The following STK11IP variants were observed in gnomAD, a reference collection of about 807,000 sequenced individuals.
The protein encoded by STK11IP is serine/threonine kinase 11 interacting protein, also known as serine/threonine-protein kinase 11-interacting protein.
Under a neutral mutation model 131.7 loss-of-function variants are expected in STK11IP, and 103 were observed. The ratio of observed to expected loss-of-function variants is 0.78; its 90% CI spans 0.67 to 0.92. The LOEUF is 0.92. Among genes scored for constraint, STK11IP ranks in the 40% least tolerant of loss-of-function variants. The pLI, the probability that STK11IP is intolerant of heterozygous loss-of-function variation, is 0.00. For synonymous variants in STK11IP, 557 were observed against 575.6 expected, an observed-to-expected ratio of 0.97 and a Z score of 0.46; for missense variants, 1,315 against 1,385.7, an observed-to-expected ratio of 0.95 and a Z score of 0.81.
intron 5 of STK11IP, 69 bp downstream of exon 5, chr2:219,602,152 C>G: frequency 8.5e-7 from 1 of 1,170,814 alleles, no homozygotes; most frequent in Non-Finnish European, 1.2e-6. Context: ...CTCTGATGTT[C>G]TCCCCTCTCT....
rs1468580936 is a variant in STK11IP at position 219,609,458 on chromosome 2, C to T, written c.2022C>T (p.Arg674=). ...DLLLGRFQCL[R]CGHEFKPEEP... ...TGCTGGGTAGATTCCAGTGTCTACG[C>T]TGTGGCCATGAGTTCAAGCCAGAGG... Residue 674 remains arginine, a synonymous_variant, in exon 17 of 25, where the codon CGC becomes CGT. Transcript: ENST00000456909. 1 of 1,610,782 alleles carries T rather than the reference C, an allele frequency of 6.2e-7. No individual in the cohort carries two copies. The highest frequency in any genetic ancestry group is 1.1e-5 in the South Asian group (1 of 90,324).
In STK11IP at chr2:219,614,252, TAGG is replaced by T. The variant is rs1427085187; in HGVS notation, c.2798+14_2798+16del. Reference sequence around the variant, plus strand: ...CCCAGCACCGGCTCTGGTGAGTCGATAGGAGGCAGAGGCTGGGGTTGCTGCCCA... The same window carrying T: ...CCCAGCACCGGCTCTGGTGAGTCGATAGGCAGAGGCTGGGGTTGCTGCCCA... On this transcript the variant is annotated intron_variant, in intron 22 of 24. Transcript: ENST00000456909. The T allele has an allele frequency of 1.9e-6, 3 of 1,612,932 alleles. No homozygotes were observed. The highest frequency in any genetic ancestry group is 2.5e-6 in the Non-Finnish European group (3 of 1,179,650).
At position 219,612,019 on chromosome 2, in the gene STK11IP, G is replaced by T; in HGVS notation, c.2400G>T (p.Val800=). Residue 800 remains valine, a synonymous_variant, in exon 19 of 25, where the codon GTG becomes GTT. Transcript: ENST00000456909. ...HRLRLFLDVE[V]FSDAQEEFQC... is the part of the protein sequence containing the mutation. ...TCCGGCTCTTCCTGGATGTTGAGGT[G>T]TTCAGCGATGCCCAGGAGGAGTTCC... 1 of 1,605,502 alleles carries T rather than the reference G, an allele frequency of 6.2e-7. No individual in the cohort carries two copies. The highest frequency in any genetic ancestry group is 8.5e-7 in the Non-Finnish European group (1 of 1,176,838).
chr2:219,610,201 T>C (rs1698348415), intron 17 of STK11IP: 1 of 154,592 alleles, frequency 6.5e-6, no homozygotes, highest in South Asian at 2.0e-4. Flanking sequence ...GTTTAGATTT[T>C]ATTCAGAAAA....
At position 219,613,886 on chromosome 2, in the gene STK11IP, C is replaced by G. The variant is rs1425401131; in HGVS notation, c.2672C>G (p.Pro891Arg). The G allele has an allele frequency of 1.9e-6, 3 of 1,611,010 alleles. No individual in the cohort carries two copies. The South Asian group carries it at 3.3e-5, about 18-fold the overall frequency. ...AAGAGRCVLLPRDARHCRAFL... is the reference protein window; with the variant it reads ...AAGAGRCVLLRRDARHCRAFL... ...GGGGCGGGCCGCTGTGTGCTGCTGCCCCGAGATGCCAGGCATTGCCGGGCC... is the reference window on the plus strand; with the variant it reads ...GGGGCGGGCCGCTGTGTGCTGCTGCGCCGAGATGCCAGGCATTGCCGGGCC... The change falls in exon 21 of 25, where the codon CCC becomes CGC. Residue 891 changes from proline to arginine, a missense_variant. Transcript: ENST00000456909.
Position 219,615,159 on chromosome 2 carries a change from G to A in STK11IP, c.2935G>A (p.Ala979Thr), listed in dbSNP as rs1315387788. 3 of 1,605,676 alleles carry A rather than the reference G, an allele frequency of 1.9e-6. No individual in the cohort carries two copies. The highest frequency in any genetic ancestry group is 1.7e-6 in the Non-Finnish European group (2 of 1,177,778). ...CACCCTGTTCCTGTTAGATGAGGAT[G>A]CTGCAGGGTCCCCGGCAGAGCCCTC... ...PSTLFLLDED[A>T]AGSPAEPSPP... The change falls in exon 24 of 25, where the codon GCT becomes ACT. Residue 979 changes from alanine (A) to threonine (T), a missense_variant. Coordinates refer to ENST00000456909, the MANE Select transcript of STK11IP (RefSeq NM_052902.4).
intron 7 of STK11IP, 100 bp downstream of exon 7, chr2:219,602,876 C>A: frequency 1.7e-6 from 2 of 1,193,674 alleles, no homozygotes; most frequent in Non-Finnish European, 2.4e-6. Flanking sequence ...CTTGCTCTTG[C>A]CATGAGGGTG....
intron 13 of STK11IP, among the ~76,000 whole-genome samples, chr2:219,607,609 T>C (rs1423250647): frequency 2.6e-5 from 4 of 151,986 alleles, no homozygotes; most frequent in Non-Finnish European, 5.9e-5. Flanking sequence ...CAGTGAGCTA[T>C]GATCATGCCA....
chr2:219,616,430 A>G lies in STK11IP; in HGVS notation c.*237A>G. The G allele has an allele frequency of 1.9e-6, 1 of 514,140 alleles. No homozygotes were observed. The highest frequency in any genetic ancestry group is 3.4e-6 in the Non-Finnish European group (1 of 290,434). 31.8% of individuals were successfully genotyped at this position (514,140 alleles called of 1,614,324 possible). A position where few individuals can be genotyped will look rare whatever the true frequency, so the allele number is the denominator to read the frequency against. ...TTCCTGCACTTTTTCTCAGGTATCA[A>G]TAAAGTTGTTTCCAACTCATAGGTC... On this transcript the variant is annotated 3_prime_UTR_variant, in exon 25 of 25. Coordinates refer to ENST00000456909, the MANE Select transcript of STK11IP (RefSeq NM_052902.4).
intron 4 of STK11IP, 73 bp downstream of exon 4, chr2:219,601,788 G>A (rs1697994683): frequency 1.3e-6 from 2 of 1,507,534 alleles, no homozygotes; most frequent in Non-Finnish European, 1.8e-6. Flanking sequence ...GGAAAGAGAA[G>A]AGCCTCTTTG....
chr2:219,606,914 C>T (rs1698186903), intron 12 of STK11IP, 56 bp downstream of exon 12: 4 of 1,588,812 alleles, frequency 2.5e-6, no homozygotes, highest in Non-Finnish European at 3.4e-6. Flanking sequence ...TCCGGGGACT[C>T]TGGGCTACAG....
At chr2:219,615,917 T>C (rs640807) in intron 24 of STK11IP, 127 bp from the exon 25 acceptor site, 1,225,433 of 1,229,360 alleles carry the variant, frequency 1, 610,840 homozygotes, top group East Asian at 1. Flanking sequence ...GGGAGTGACA[T>C]GGGCCTGGGG....
At chr2:219,614,957 C>A in intron 23 of STK11IP, 137 bp from the exon 24 acceptor site, 1 of 1,075,860 alleles carries the variant, frequency 9.3e-7, no homozygotes, top group Non-Finnish European at 1.3e-6. Context: ...AGGGTCTTGG[C>A]CCCAGGGGCA....
rs1276005370 is a variant in STK11IP, at chr2:219,598,124, C to T, written c.5C>T (p.Thr2Met). The T allele has an allele frequency of 6.3e-7, 1 of 1,592,296 alleles. No individual in the cohort carries two copies. Among genetic ancestry groups the T allele is most frequent in the Non-Finnish European group, 8.5e-7 (1 of 1,169,878 alleles). Residue 2 changes from threonine to methionine, a missense_variant, in exon 2 of 25, where the codon ACG (threonine) becomes ATG (methionine). Physicochemically the swap from Thr to Met is moderately conservative, Grantham distance 81. Transcript: ENST00000456909. ...GCCCCCCAGCGTCCCGTGGCCATGA[C>T]GACCGCTCAGAGGGACTCCCTGTTG... M[T>M]TAQRDSLLWK...
In STK11IP at chr2:219,615,199, C is replaced by G. The variant is rs777477941; in HGVS notation, c.2975C>G (p.Ser992Cys). The G allele has an allele frequency of 6.3e-6, 10 of 1,596,138 alleles. No homozygotes were observed. The highest frequency in any genetic ancestry group is 1.7e-5 in the Admixed American group (1 of 57,998). The change falls in exon 24 of 25, where the codon TCT (serine) becomes TGT (cysteine). Residue 992 changes from serine to cysteine, a missense_variant. Coordinates refer to ENST00000456909, the MANE Select transcript of STK11IP (RefSeq NM_052902.4). ...GCAGAGCCCTCTCCTCCAGCAGCAT[C>G]TGGCGAAGCCTCTGAGAAGGTGCCT... is the stretch of plus-strand genomic sequence containing the variant. ...SPAEPSPPAA[S>C]GEASEKVPPS...
intron 7 of STK11IP, 127 bp downstream of exon 7, chr2:219,602,903 G>A: frequency 2.3e-6 from 2 of 870,704 alleles, no homozygotes; most frequent in East Asian, 2.6e-5. Flanking sequence ...CATTCTGGGA[G>A]ATAGCACTGC....
chr2:219,600,333 C>T (rs1424318197), intron 2 of STK11IP, among the ~76,000 whole-genome samples: 3 of 151,894 alleles, frequency 2.0e-5, no homozygotes, highest in Non-Finnish European at 4.4e-5. Context: ...TGGTCCTGAA[C>T]TCCTGACCTC....
In STK11IP at chr2:219,615,235, C is replaced by G; in HGVS notation, c.3011C>G (p.Pro1004Arg). 3 of 1,595,020 alleles carry G rather than the reference C, an allele frequency of 1.9e-6. No homozygotes were observed. The highest frequency in any genetic ancestry group is 2.6e-6 in the Non-Finnish European group (3 of 1,175,674). Residue 1004 changes from proline (P) to arginine (R), a missense_variant, in exon 24 of 25, where the codon CCG becomes CGG. Physicochemically the swap from Pro to Arg is moderately radical, Grantham distance 103. Coordinates refer to ENST00000456909, the MANE Select transcript of STK11IP (RefSeq NM_052902.4). ...TCTGAGAAGGTGCCTCCCTCGGGGC[C>G]GGGCCCTGCTGTGCGTGTCAGGGAG... The part of the protein sequence containing the change: ...EASEKVPPSG[P>R]GPAVRVREQQ...
At chr2:219,601,764 GC>G (rs1341925270) in intron 4 of STK11IP, 49 bp downstream of exon 4, 2 of 1,558,752 alleles carry the variant, frequency 1.3e-6, no homozygotes, top group African/African-American at 2.7e-5. Context: ...ACTTGAGGCA[GC>G]CCCTTGGGGA....
Sources: gnomAD v4.1 joint callset for allele counts (sites outside exome capture counted in the v4.1 genomes callset) on GRCh38, gnomAD v4.1.1 for gene constraint, MANE v1.5 for transcripts, NCBI Gene and HGNC (gene_info 2026-07-23, HGNC 2026-07-21) for gene names.